Variants in COL27A1 observed in about 807,000 individuals in gnomAD.
COL27A1 encodes the protein collagen type XXVII alpha 1 chain.
COL27A1 carries 106 observed loss-of-function variants against 251.3 expected under a neutral mutation model. The observed-to-expected ratio is 0.42, with a 90% confidence interval of 0.36 to 0.50. COL27A1 has a LOEUF of 0.50. COL27A1 is among the 20% of genes least tolerant of loss of function. The probability of loss-of-function intolerance (pLI) is 0.00; values close to 1 mark genes in which losing one functional copy is unlikely to be tolerated. For missense variants in COL27A1, 2,325 were observed against 2,522.8 expected (o/e 0.92, Z 1.68); for synonymous variants, 1,000 against 986.3 (o/e 1.01, Z -0.26).
chr9:114,179,043 C>T (rs1442335046), intron 4 of COL27A1, among the ~76,000 whole-genome samples: 2 of 152,140 alleles, frequency 1.3e-5, no homozygotes, highest in Non-Finnish European at 2.9e-5. Flanking sequence ...CCTTGGAGAT[C>T]CCCTTAGAGG....
chr9:114,303,241 T>C (rs1490636619), intron 56 of COL27A1, among the ~76,000 whole-genome samples: 2 of 144,614 alleles, frequency 1.4e-5, no homozygotes, highest in African/African-American at 5.0e-5. Flanking sequence ...TTTTTTCTTT[T>C]CTTTTTTTTT....
chr9:114,299,829 T>A (rs182636547), intron 49 of COL27A1, among the ~76,000 whole-genome samples: 165 of 152,346 alleles, frequency 1.1e-3, no homozygotes, highest in Admixed American at 4.1e-3. Context: ...GCCTCCTCTG[T>A]GGAATCCCTG....
At chr9:114,176,180 A>G (rs1299980910) in intron 3 of COL27A1, among the ~76,000 whole-genome samples, 1 of 152,136 alleles carries the variant, frequency 6.6e-6, no homozygotes, top group African/African-American at 2.4e-5. Context: ...TTGAAACGGC[A>G]TGGTATACCT....
At chr9:114,217,916 C>T (rs1216092674) in intron 12 of COL27A1, 1 of 440,362 alleles carries the variant, frequency 2.3e-6, no homozygotes, top group African/African-American at 2.0e-5. Flanking sequence ...GAGTTCGAGA[C>T]CAGCTTGGGC....
Position 114,235,618 on chromosome 9 carries a change from G to T in COL27A1, c.2585G>T (p.Gly862Val). 6.2e-7 allele frequency: 1 copy of T among 1,613,946 alleles called. No homozygotes were observed. The highest frequency in any genetic ancestry group is 2.2e-5 in the East Asian group (1 of 44,872). The change falls in exon 17 of 61, where the codon GGT becomes GTT. Residue 862 changes from glycine (G) to valine (V), a missense_variant. By Grantham distance (109) the Gly-to-Val change is moderately radical. Around this residue, in one of 4 missense-constraint regions of COL27A1, gnomAD observed 662 missense variants for 795.3 expected, o/e 0.83. Transcript: ENST00000356083. ...KGDKGEQGVP[G>V]VSGDPGFQGD... ...ACTTAGGGTGAACAAGGGGTTCCAG[G>T]TGTGTCAGGAGATCCCGGATTCCAA...
chr9:114,240,020 ACT>A (rs1832645836), intron 19 of COL27A1, among the ~76,000 whole-genome samples, 198 bp from the exon 20 acceptor site: 1 of 152,038 alleles, frequency 6.6e-6, no homozygotes, highest in South Asian at 2.1e-4. Context: ...TGTCTCAGCA[ACT>A]CTCTGAGGTG....
Position 114,242,209 on chromosome 9 carries a change from C to G in COL27A1, c.2858C>G (p.Pro953Arg). Reference sequence around the variant, plus strand: ...TAGGGAGATGAGGGACCCATGGGGCCGCCAGGGGCCCCTGGCTTGGAGGTG... The same window carrying G: ...TAGGGAGATGAGGGACCCATGGGGCGGCCAGGGGCCCCTGGCTTGGAGGTG... The part of the protein sequence containing the change: ...GPEGDEGPMG[P>R]PGAPGLEGQP... The change falls in exon 22 of 61, where the codon CCG becomes CGG. Residue 953 changes from proline (P) to arginine (R), a missense_variant. Around this residue, in one of 4 missense-constraint regions of COL27A1, gnomAD observed 662 missense variants for 795.3 expected, o/e 0.83. Coordinates refer to ENST00000356083, the MANE Select transcript of COL27A1 (RefSeq NM_032888.4). 6.2e-7 allele frequency: 1 copy of G among 1,608,500 alleles called. No homozygotes were observed. Among genetic ancestry groups the G allele is most frequent in the Non-Finnish European group, 8.5e-7 (1 of 1,178,152 alleles).
intron 12 of COL27A1, among the ~76,000 whole-genome samples, chr9:114,218,890 G>A (rs1830890428): frequency 6.6e-6 from 1 of 151,856 alleles, no homozygotes; most frequent in Non-Finnish European, 1.5e-5. Context: ...TCCTCCATGA[G>A]GAATGTTTAC....
At chr9:114,237,852 T>A in intron 19 of COL27A1, 137 bp downstream of exon 19, 1 of 689,776 alleles carries the variant, frequency 1.4e-6, no homozygotes, top group Non-Finnish European at 2.6e-6. Context: ...GAGGAGAAAC[T>A]CCTAGATCAG....
chr9:114,240,792 AG>A lies in COL27A1; in HGVS notation c.2835+306del, dbSNP rs557026733. ...CTGACAATGCCGTGCTCGTGGTAGC[AG>A]TTTATCAGGGCATTAATGAGGGAGT... On this transcript the variant is annotated intron_variant, in intron 21 of 60. Transcript: ENST00000356083. Among the ~76,000 whole-genome samples the A allele has an allele frequency of 2.8e-4, 42 of 152,310 alleles. 1 individual carries two copies. The South Asian group carries it at 8.5e-3, about 31-fold the overall frequency.
chr9:114,280,586 G>A (rs1204344214), intron 37 of COL27A1, among the ~76,000 whole-genome samples: 2 of 152,216 alleles, frequency 1.3e-5, no homozygotes, highest in Admixed American at 1.3e-4. Flanking sequence ...TCAAGTGTTC[G>A]GTAGCTGTAT....
intron 12 of COL27A1, among the ~76,000 whole-genome samples, chr9:114,216,145 T>C (rs1158037031): frequency 6.6e-6 from 1 of 152,168 alleles, no homozygotes; most frequent in East Asian, 1.9e-4. Flanking sequence ...GAATGCAGAG[T>C]CTCACTCCTT....
At chr9:114,199,148 C>T (rs1192258908) in intron 7 of COL27A1, among the ~76,000 whole-genome samples, 1 of 152,146 alleles carries the variant, frequency 6.6e-6, no homozygotes, top group Non-Finnish European at 1.5e-5. Context: ...ATCTAACCCT[C>T]CTGCTTTCTT....
rs149464369 is a variant in COL27A1, at chr9:114,304,321, G to A, written c.4873-287G>A. Among the ~76,000 whole-genome samples the A allele has an allele frequency of 2.8e-4, 42 of 152,370 alleles. 1 individual carries two copies. The East Asian group carries it at 8.1e-3, about 29-fold the overall frequency. ...CTGGTGCCAGAGCACATATGAGGGA[G>A]AGGAAGGAGACATGGCTCAAGACCA... On this transcript the variant is annotated intron_variant, in intron 56 of 60. Transcript: ENST00000356083.
chr9:114,273,506 C>T (rs542503094), intron 36 of COL27A1: 1 of 152,464 alleles, frequency 6.6e-6, no homozygotes, highest in East Asian at 1.9e-4. Flanking sequence ...GCTCAGGCCT[C>T]AGCAGGCCCA....
chr9:114,168,671 T>G lies in COL27A1; in HGVS notation c.1116T>G (p.Pro372=). 2.5e-6 allele frequency: 4 copies of G among 1,614,150 alleles called. No homozygotes were observed. Among genetic ancestry groups the G allele is most frequent in the Non-Finnish European group, 3.4e-6 (4 of 1,180,030 alleles). Residue 372 remains proline, a synonymous_variant, in exon 3 of 61, where the codon CCT becomes CCG. Coordinates refer to ENST00000356083, the MANE Select transcript of COL27A1 (RefSeq NM_032888.4). ...TCCCCAAAAGCCTCCCTACCAAGCCTTCGGCCCCTTCTACTTCAATTGTGC... is the reference window on the plus strand; with the variant it reads ...TCCCCAAAAGCCTCCCTACCAAGCCGTCGGCCCCTTCTACTTCAATTGTGC... The part of the protein sequence containing the change: ...TKIPKSLPTK[P]SAPSTSIVPI...
intron 29 of COL27A1, among the ~76,000 whole-genome samples, 156 bp downstream of exon 29, chr9:114,264,564 C>T (rs1834599173): frequency 6.6e-6 from 1 of 152,202 alleles, no homozygotes; most frequent in Non-Finnish European, 1.5e-5. Flanking sequence ...AGCCCTTCCA[C>T]TCCTCCTGAC....
chr9:114,301,653 G>A lies in COL27A1; in HGVS notation c.4810-29G>A, dbSNP rs1473550805. ...GAGAGATGAAGACCCTGTGGACCAG[G>A]GCTCACTCTTCTTCTCTTGTTCCCC... On this transcript the variant is annotated intron_variant, in intron 54 of 60. Coordinates refer to ENST00000356083, the MANE Select transcript of COL27A1 (RefSeq NM_032888.4). 6 of 1,594,444 alleles carry A rather than the reference G, an allele frequency of 3.8e-6. No individual in the cohort carries two copies. In the African/African-American group the frequency reaches 5.4e-5, roughly 14 times the overall value.
chr9:114,246,502 T>C (rs1265625228), intron 24 of COL27A1, among the ~76,000 whole-genome samples: 2 of 152,210 alleles, frequency 1.3e-5, no homozygotes, highest in Admixed American at 6.5e-5. Flanking sequence ...ACAGCTTCAA[T>C]CCTTCCTGCC....
Sources: allele counts gnomAD v4.1 joint callset (sites outside exome capture counted in the v4.1 genomes callset), GRCh38; gene constraint gnomAD v4.1.1; regional missense constraint gnomAD v4.1.1; transcripts MANE v1.5; gene names NCBI Gene and HGNC (gene_info 2026-07-23, HGNC 2026-07-21).